DMXL2: variants seen among roughly 807,000 people sequenced by gnomAD.
The protein encoded by DMXL2 is dmX-like protein 2.
A neutral mutation model predicts 331.1 loss-of-function variants in DMXL2; 103 were observed. That is an observed-to-expected ratio of 0.31 (90% CI 0.27 to 0.37). The LOEUF (loss-of-function observed/expected upper bound fraction) is 0.37. Ranked by LOEUF, DMXL2 falls within the 10% of genes least tolerant of loss-of-function variation. The pLI is 1.00. For synonymous variants in DMXL2, 1,281 were observed against 1,252.1 expected (o/e 1.02, Z -0.49); for missense variants, 3,171 against 3,642.9 (o/e 0.87, Z 3.33).
At chr15:51,514,652 A>C in intron 14 of DMXL2, 93 bp from the exon 15 acceptor site, 1 of 730,260 alleles carries the variant, frequency 1.4e-6, no homozygotes. Context: ...AATGCAGAAG[A>C]AATATATCTA....
chr15:51,453,721 T>G, intron 40 of DMXL2, 80 bp from the exon 41 acceptor site: 2 of 1,124,566 alleles, frequency 1.8e-6, no homozygotes, highest in Non-Finnish European at 2.7e-6. Flanking sequence ...TGTCTGCTAA[T>G]AACATACTAT....
intron 13 of DMXL2, among the ~76,000 whole-genome samples, chr15:51,525,409 A>G (rs550141952): frequency 1.4e-3 from 214 of 152,242 alleles, no homozygotes; most frequent in East Asian, 4.9e-3. Flanking sequence ...ATTGGAGAGA[A>G]GCAGAGGCAA....
chr15:51,596,339 A>G (rs1172050952), intron 1 of DMXL2, among the ~76,000 whole-genome samples: 2 of 152,252 alleles, frequency 1.3e-5, no homozygotes, highest in African/African-American at 2.4e-5. Context: ...ATCACTGGTC[A>G]TCAGAGAAAT....
chr15:51,521,456 G>GTAA (rs1341018048), intron 13 of DMXL2, among the ~76,000 whole-genome samples: 3 of 149,800 alleles, frequency 2.0e-5, no homozygotes, highest in African/African-American at 7.4e-5. Context: ...AGTAGTAGTA[G>GTAA]TAGTAGTGGT....
rs1466612831 is a variant in DMXL2 at position 51,538,082 on chromosome 15, A to G, written c.1345+131T>C. Reference sequence around the variant, plus strand: ...AGTACCTGATCCAAGGCAGATGGTCAGTAAATACTTGTGTAACAAATAGAA... The same window carrying G: ...AGTACCTGATCCAAGGCAGATGGTCGGTAAATACTTGTGTAACAAATAGAA... On this transcript the variant is annotated intron_variant, in intron 10 of 43. Coordinates refer to ENST00000560891, the MANE Select transcript of DMXL2 (RefSeq NM_001378457.1). The G allele has an allele frequency of 4.3e-6, 5 of 1,159,482 alleles. No homozygotes were observed. In the South Asian group the frequency reaches 4.7e-5, roughly 11 times the overall value. 71.8% of individuals were successfully genotyped at this position (1,159,482 alleles called of 1,614,324 possible).
chr15:51,555,975 A>G lies in DMXL2; in HGVS notation c.567+7406T>C, dbSNP rs368702397. 3.3e-5 allele frequency among the ~76,000 whole-genome samples: 5 copies of G among 152,224 alleles called. No homozygotes were observed. The East Asian group carries it at 9.6e-4, about 29-fold the overall frequency. ...AGGCCAGCATAACATCAACATAAAA[A>G]TCTGTCAAGGACATTATGAAAACGG... On this transcript the variant is annotated intron_variant, in intron 6 of 43. Coordinates refer to ENST00000560891, the MANE Select transcript of DMXL2 (RefSeq NM_001378457.1).
chr15:51,491,857 A>G, intron 19 of DMXL2, 110 bp from the exon 20 acceptor site: 1 of 948,522 alleles, frequency 1.1e-6, no homozygotes, highest in Non-Finnish European at 1.5e-6. Context: ...TTTGAAGCAG[A>G]AAGAAAGAAT....
intron 6 of DMXL2, among the ~76,000 whole-genome samples, chr15:51,555,957 C>T (rs2049536881): frequency 6.6e-6 from 1 of 152,162 alleles, no homozygotes. Context: ...ATAAGGCCAG[C>T]ATAACATCAA....
intron 14 of DMXL2, among the ~76,000 whole-genome samples, chr15:51,516,390 C>T (rs2140666794): frequency 6.6e-6 from 1 of 152,310 alleles, no homozygotes; most frequent in East Asian, 1.9e-4. Context: ...TGACTTTCAT[C>T]TGCATTTTAA....
At chr15:51,609,067 A>G (rs1354072850) in intron 1 of DMXL2, among the ~76,000 whole-genome samples, 2 of 149,170 alleles carry the variant, frequency 1.3e-5, no homozygotes, top group Non-Finnish European at 3.0e-5. Flanking sequence ...AAGAATGTAA[A>G]CCCTCATAAG....
At position 51,481,286 on chromosome 15, in the gene DMXL2, A is replaced by G; in HGVS notation, c.5820T>C (p.Ala1940=). The G allele has an allele frequency of 3.1e-6, 5 of 1,614,080 alleles. No homozygotes were observed. The highest frequency in any genetic ancestry group is 4.2e-6 in the Non-Finnish European group (5 of 1,179,986). Residue 1940 remains alanine (A), a synonymous_variant, in exon 24 of 44, where the codon GCT becomes GCC. Coordinates refer to ENST00000560891, the MANE Select transcript of DMXL2 (RefSeq NM_001378457.1). ...RMDDVPSHSK[A]LSDGNGSSGI... ...CAGAACTTCCATTGCCATCACTCAG[A>G]GCTTTTGAATGTGAAGGTACATCAT...
At chr15:51,507,963 G>T (rs1011436299) in intron 15 of DMXL2, among the ~76,000 whole-genome samples, 1 of 152,040 alleles carries the variant, frequency 6.6e-6, no homozygotes, top group African/African-American at 2.4e-5. Flanking sequence ...CTGAAAATGA[G>T]ATCTAATGCA....
At chr15:51,569,830 G>C (rs2050542334) in intron 2 of DMXL2, among the ~76,000 whole-genome samples, 1 of 152,100 alleles carries the variant, frequency 6.6e-6, no homozygotes, top group Admixed American at 6.5e-5. Context: ...CATGAAGATG[G>C]GGAGAAACCA....
chr15:51,497,032 C>A (rs1323346588), intron 18 of DMXL2, among the ~76,000 whole-genome samples: 1 of 152,176 alleles, frequency 6.6e-6, no homozygotes, highest in Non-Finnish European at 1.5e-5. Context: ...CTATTTTTTA[C>A]AAATCATGCC....
At chr15:51,564,946 A>G (rs2050178572) in intron 4 of DMXL2, 142 bp downstream of exon 4, 1 of 511,994 alleles carries the variant, frequency 2.0e-6, no homozygotes. Flanking sequence ...CTGTATACCA[A>G]GAAGGAAAAA....
In DMXL2 at chr15:51,480,787, T is replaced by C; in HGVS notation, c.6319A>G (p.Ser2107Gly). Residue 2107 changes from serine to glycine, a missense_variant, in exon 24 of 44, where the codon AGT becomes GGT. Coordinates refer to ENST00000560891, the MANE Select transcript of DMXL2 (RefSeq NM_001378457.1). ...YSSKTYSKVE[S>G]DLLDQEEMVD... is the part of the protein sequence containing the mutation. ...ATTTCTTCCTGATCCAGCAGATCAC[T>C]CTCTACTTTGGAATATGTCTTACTG... 2 of 1,606,262 alleles carry C rather than the reference T, an allele frequency of 1.2e-6. No homozygotes were observed. Among genetic ancestry groups the C allele is most frequent in the Non-Finnish European group, 1.7e-6 (2 of 1,175,400 alleles).
At chr15:51,469,641 A>C (rs2040915153) in intron 29 of DMXL2, among the ~76,000 whole-genome samples, 1 of 152,232 alleles carries the variant, frequency 6.6e-6, no homozygotes. Context: ...TATCAGGAGG[A>C]AACATTTTTG....
rs760974884 is a variant in DMXL2 at position 51,563,393 on chromosome 15, A to G, written c.555T>C (p.Ala185=). ...MEWSPDGEYF[A]TAGKDDCLLK... ...TTTGATCCTTTACCTTTCCAGCAGT[A>G]GCAAAATATTCACCATCAGGAGACC... The change falls in exon 6 of 44, where the codon GCT becomes GCC. Residue 185 remains alanine, a synonymous_variant. Transcript: ENST00000560891. The G allele has an allele frequency of 2.7e-5, 43 of 1,607,890 alleles. No individual in the cohort carries two copies. The East Asian group carries it at 9.7e-4, about 36-fold the overall frequency.
chr15:51,456,970 G>A (rs1376121997), intron 37 of DMXL2, among the ~76,000 whole-genome samples: 1 of 152,044 alleles, frequency 6.6e-6, no homozygotes, highest in African/African-American at 2.4e-5. Context: ...CCAGGAGTTC[G>A]AGAACAGCCT....
Sources: gnomAD v4.1 joint callset for allele counts (sites outside exome capture counted in the v4.1 genomes callset) on GRCh38, gnomAD v4.1.1 for gene constraint, MANE v1.5 for transcripts, NCBI Gene and HGNC (gene_info 2026-07-23, HGNC 2026-07-21) for gene names.